The following OPCML variants were observed in gnomAD, a reference collection of about 807,000 sequenced individuals.
OPCML encodes opioid-binding protein/cell adhesion molecule.
A neutral mutation model predicts 37.8 loss-of-function variants in OPCML; 13 were observed. The ratio of observed to expected loss-of-function variants is 0.34; its 90% confidence interval spans 0.22 to 0.55. The LOEUF is 0.55. OPCML is among the 20% of genes least tolerant of loss of function. OPCML has a pLI of 0.91. For synonymous variants in OPCML, 176 were observed against 168.8 expected (o/e 1.04, Z -0.33); for missense variants, 341 against 435.6 (o/e 0.78, Z 1.93).
rs142984121 is a variant in OPCML at position 133,144,148 on chromosome 11, G to A, written c.62-201138C>T. Among the ~76,000 whole-genome samples the A allele has an allele frequency of 3.4e-4, 52 of 152,236 alleles. No homozygotes were observed. The East Asian group carries it at 8.7e-3, about 26-fold the overall frequency. Reference sequence around the variant, plus strand: ...AGGGACAACTCCCTTTTTCTTTCACGACGAATGCTTCAGTCACTAGAAAAA... The same window carrying A: ...AGGGACAACTCCCTTTTTCTTTCACAACGAATGCTTCAGTCACTAGAAAAA... On this transcript the variant is annotated intron_variant, in intron 1 of 7. Coordinates refer to ENST00000524381, the MANE Select transcript of OPCML (RefSeq NM_001012393.5).
At chr11:133,033,731 G>A (rs1947714703) in intron 1 of OPCML, among the ~76,000 whole-genome samples, 3 of 152,170 alleles carry the variant, frequency 2.0e-5, no homozygotes, top group Admixed American at 2.0e-4. Context: ...TGGGAACACT[G>A]AGGCTAAAGT....
chr11:133,350,463 T>C (rs1318703181), intron 1 of OPCML, among the ~76,000 whole-genome samples: 1 of 152,172 alleles, frequency 6.6e-6, no homozygotes, highest in African/African-American at 2.4e-5. Flanking sequence ...GCAAGGTATT[T>C]GTAAAGAAAT....
At chr11:132,835,175 G>GTGATGGCACATATAAA (rs1940938755) in intron 2 of OPCML, among the ~76,000 whole-genome samples, 2 of 152,132 alleles carry the variant, frequency 1.3e-5, no homozygotes, top group Non-Finnish European at 2.9e-5. Context: ...CATATTCACT[G>GTGATGGCACATATAAA]CCAGTGAAGA....
At chr11:132,887,524 C>T (rs964278577) in intron 2 of OPCML, among the ~76,000 whole-genome samples, 8 of 152,208 alleles carry the variant, frequency 5.3e-5, no homozygotes, top group Middle Eastern at 3.2e-3. Flanking sequence ...TGAACAACAT[C>T]GCACAGCCTG....
intron 1 of OPCML, among the ~76,000 whole-genome samples, chr11:133,428,378 G>A (rs1946047609): frequency 6.6e-6 from 1 of 152,146 alleles, no homozygotes; most frequent in Non-Finnish European, 1.5e-5. Flanking sequence ...AGAAGTTTTA[G>A]GCAAGGCATT....
intron 2 of OPCML, 35 bp downstream of exon 2, chr11:132,942,891 A>C: frequency 6.2e-7 from 1 of 1,612,088 alleles, no homozygotes. Flanking sequence ...ACCACAGCCC[A>C]GGGGCTCGGC....
intron 1 of OPCML, among the ~76,000 whole-genome samples, chr11:133,353,639 T>A (rs1944194487): frequency 1.3e-5 from 2 of 152,210 alleles, no homozygotes; most frequent in Non-Finnish European, 2.9e-5. Flanking sequence ...AAGCTCACTG[T>A]CATCTGCTCT....
chr11:132,976,987 A>T (rs1202464437), intron 1 of OPCML, among the ~76,000 whole-genome samples: 1 of 152,150 alleles, frequency 6.6e-6, no homozygotes, highest in Non-Finnish European at 1.5e-5. Flanking sequence ...AAAGCACTAG[A>T]TGTTGACTGT....
chr11:132,861,695 C>T (rs560582970), intron 2 of OPCML, among the ~76,000 whole-genome samples: 29 of 152,142 alleles, frequency 1.9e-4, no homozygotes, highest in Admixed American at 1.8e-3. Context: ...ATTAGCCAGG[C>T]GTGGTGGCGT....
chr11:133,026,599 G>A (rs1947559885), intron 1 of OPCML: 1 of 984,402 alleles, frequency 1.0e-6, no homozygotes, highest in Non-Finnish European at 1.2e-6. Context: ...TCTAGCTAAT[G>A]TCCCACATTT....
At chr11:133,367,368 T>G (rs1014009591) in intron 1 of OPCML, among the ~76,000 whole-genome samples, 2 of 152,156 alleles carry the variant, frequency 1.3e-5, no homozygotes, top group African/African-American at 4.8e-5. Context: ...ACAACCATCC[T>G]CAGCTCATCA....
At chr11:132,959,812 A>G (rs1403050221) in intron 1 of OPCML, among the ~76,000 whole-genome samples, 1 of 152,232 alleles carries the variant, frequency 6.6e-6, no homozygotes, top group Non-Finnish European at 1.5e-5. Context: ...CTAACATAGC[A>G]GCCTGAGGAG....
chr11:132,877,150 T>C (rs982283315), intron 2 of OPCML, among the ~76,000 whole-genome samples: 8 of 152,130 alleles, frequency 5.3e-5, no homozygotes, highest in African/African-American at 1.9e-4. Context: ...AGCAGCAGAA[T>C]ATGACTATAT....
rs543699618 is a variant in OPCML, at chr11:132,571,664, C to T, written c.380-42478G>A. ...ACATACACCACGTTGTCTTTAGCCA[C>T]TCATCCATCAGTGGGTGTTTAGGTT... On this transcript the variant is annotated intron_variant, in intron 3 of 7. Transcript: ENST00000524381. 3.9e-5 allele frequency among the ~76,000 whole-genome samples: 6 copies of T among 152,280 alleles called. No homozygotes were observed. The South Asian group carries it at 1.2e-3, about 32-fold the overall frequency.
In OPCML at chr11:132,532,764, C is replaced by T. The variant is rs139327888; in HGVS notation, c.380-3578G>A. ...TCAAGTCAGCGCCCCTTGCACACTG[C>T]GGACCACAACAGGAGAAGCCCATCT... On this transcript the variant is annotated intron_variant, in intron 3 of 7. Transcript: ENST00000524381. Among the ~76,000 whole-genome samples, 159 of 152,294 alleles carry T rather than the reference C, an allele frequency of 1.0e-3. 1 individual carries two copies. Among genetic ancestry groups the T allele is most frequent in the Admixed American group, 3.5e-3 (54 of 15,290 alleles).
At chr11:133,271,679 C>G (rs1335265309) in intron 1 of OPCML, among the ~76,000 whole-genome samples, 1 of 152,186 alleles carries the variant, frequency 6.6e-6, no homozygotes, top group Non-Finnish European at 1.5e-5. Flanking sequence ...AACCAATATT[C>G]TCACCCCTAT....
intron 2 of OPCML, among the ~76,000 whole-genome samples, chr11:132,849,154 T>C (rs1941685846): frequency 6.6e-6 from 1 of 152,258 alleles, no homozygotes; most frequent in Admixed American, 6.5e-5. Flanking sequence ...TGCATTGTCT[T>C]GTTCTATCCA....
intron 1 of OPCML, among the ~76,000 whole-genome samples, chr11:132,983,523 C>T (rs985374723): frequency 1.3e-5 from 2 of 152,180 alleles, no homozygotes; most frequent in Admixed American, 6.5e-5. Flanking sequence ...TCTCGCTGCT[C>T]ATGCTGCTTT....
At chr11:132,729,627 G>A (rs1200170479) in intron 2 of OPCML, among the ~76,000 whole-genome samples, 2 of 152,210 alleles carry the variant, frequency 1.3e-5, no homozygotes, top group Non-Finnish European at 2.9e-5. Flanking sequence ...TGCAGCAATT[G>A]CATCTACTCA....
Sources: gnomAD v4.1 joint callset for allele counts (sites outside exome capture counted in the v4.1 genomes callset) on GRCh38, gnomAD v4.1.1 for gene constraint, MANE v1.5 for transcripts, NCBI Gene and HGNC (gene_info 2026-07-23, HGNC 2026-07-21) for gene names.